NBN: variants seen among roughly 807,000 people sequenced by gnomAD.
The protein encoded by NBN is Nijmegen breakage syndrome 1 (nibrin).
In NBN, 88 loss-of-function variants were observed where a neutral mutation model predicts 90.8. That is an observed-to-expected ratio of 0.97 (90% CI 0.82 to 1.16). NBN has a LOEUF of 1.16. Among genes scored for constraint, NBN ranks in the 50% most tolerant of loss-of-function variants. NBN has a pLI of 0.00. For missense variants in NBN, 894 were observed against 869.6 expected, an observed-to-expected ratio of 1.03 and a Z score of -0.35; for synonymous variants, 328 against 295.1, an observed-to-expected ratio of 1.11 and a Z score of -1.14.
chr8:89,971,156 G>C lies in NBN; in HGVS notation c.702+17C>G. ...GTAATGTATTCTTTAGGAAAATTTA[G>C]CTTATAACATAATTACCTGTTTGGC... is the stretch of plus-strand genomic sequence containing the variant. On this transcript the variant is annotated intron_variant, in intron 6 of 15. Coordinates refer to ENST00000265433, the MANE Select transcript of NBN (RefSeq NM_002485.5). The C allele has an allele frequency of 6.2e-7, 1 of 1,606,480 alleles. No homozygotes were observed. Among genetic ancestry groups the C allele is most frequent in the Non-Finnish European group, 8.5e-7 (1 of 1,174,424 alleles).
chr8:89,972,179 C>G (rs1190196083), intron 5 of NBN, among the ~76,000 whole-genome samples: 1 of 152,210 alleles, frequency 6.6e-6, no homozygotes, highest in African/African-American at 2.4e-5. Flanking sequence ...AGTCACTATC[C>G]AGCACTTTAG....
At chr8:89,983,559 C>CA (rs1812176553) in intron 1 of NBN, among the ~76,000 whole-genome samples, 1 of 152,110 alleles carries the variant, frequency 6.6e-6, no homozygotes, top group Non-Finnish European at 1.5e-5. Context: ...ACCAATGCAA[C>CA]AAAGTCCAGA....
chr8:89,981,633 C>A, intron 2 of NBN, 110 bp from the exon 3 acceptor site: 2 of 1,080,192 alleles, frequency 1.9e-6, no homozygotes, highest in Non-Finnish European at 2.7e-6. Flanking sequence ...CCTCCCAACA[C>A]GGCAGACAAC....
In NBN at chr8:89,935,075, CATTATATTGA is replaced by C. The variant is rs1197506122; in HGVS notation, c.*497_*506del. ...AATGGAAAAGAAAAAATATTAAAAA[CATTATATTGA>C]TATTCCTATAATTTTTAATCTACTA... On this transcript the variant is annotated 3_prime_UTR_variant, in exon 16 of 16. Coordinates refer to ENST00000265433, the MANE Select transcript of NBN (RefSeq NM_002485.5). The C allele has an allele frequency of 4.3e-6, 1 of 233,836 alleles. No individual in the cohort carries two copies. The highest frequency in any genetic ancestry group is 2.2e-5 in the African/African-American group (1 of 45,298). The allele number at this position is 233,836 out of a possible 1,614,324, so 14.5% of individuals were successfully genotyped here. A position where few individuals can be genotyped will look rare whatever the true frequency, so the allele number is the denominator to read the frequency against.
intron 14 of NBN, chr8:89,937,416 G>A (rs1809743706): frequency 2.4e-5 from 7 of 294,672 alleles, no homozygotes; most frequent in Non-Finnish European, 4.6e-5. Flanking sequence ...GACCACTGAT[G>A]AGACTAAGAG....
chr8:89,955,482 C>T lies in NBN; in HGVS notation c.1198G>A (p.Ala400Thr), dbSNP rs551602980. Residue 400 changes from alanine (A) to threonine (T), a missense_variant, in exon 10 of 16, where the codon GCA becomes ACA. Coordinates refer to ENST00000265433, the MANE Select transcript of NBN (RefSeq NM_002485.5). ...EQKFRMLSQD[A>T]PTVKESCKTS... ...TTGCAGGACTCCTTTACAGTGGGTG[C>T]ATCTTGTGAAAGCATTCTGAATTTT... The T allele has an allele frequency of 1.7e-5, 27 of 1,613,390 alleles. No individual in the cohort carries two copies. In the African/African-American group the frequency reaches 3.2e-4, roughly 19 times the overall value.
chr8:89,963,868 C>T (rs1474228240), intron 8 of NBN, among the ~76,000 whole-genome samples: 1 of 152,200 alleles, frequency 6.6e-6, no homozygotes, highest in Non-Finnish European at 1.5e-5. Flanking sequence ...ATCCAGATTT[C>T]CACAATAGCA....
At position 89,955,625 on chromosome 8, in the gene NBN, C is replaced by T. The variant is rs553969523; in HGVS notation, c.1125-70G>A. 1.1e-5 allele frequency: 17 copies of T among 1,490,338 alleles called. No individual in the cohort carries two copies. The Middle Eastern group carries it at 1.3e-3, about 111-fold the overall frequency. 92.3% of individuals were successfully genotyped at this position (1,490,338 alleles called of 1,614,324 possible). A position where few individuals can be genotyped will look rare whatever the true frequency, so the allele number is the denominator to read the frequency against. On this transcript the variant is annotated intron_variant, in intron 9 of 15. Coordinates refer to ENST00000265433, the MANE Select transcript of NBN (RefSeq NM_002485.5). ...GCAACTTTAATAGAGAAACAAAGATCGTTAAATAGTTCTAACGTAATATAA... is the reference window on the plus strand; with the variant it reads ...GCAACTTTAATAGAGAAACAAAGATTGTTAAATAGTTCTAACGTAATATAA...
intron 5 of NBN, among the ~76,000 whole-genome samples, chr8:89,974,086 C>T (rs538574907): frequency 1.2e-4 from 18 of 152,058 alleles, no homozygotes; most frequent in African/African-American, 3.9e-4. Context: ...CACTTCTGTA[C>T]GAAGATTTTG....
At chr8:89,973,902 T>TC (rs149388770) in intron 5 of NBN, among the ~76,000 whole-genome samples, 46,858 of 152,026 alleles carry the variant, frequency 0.31, 7,473 homozygotes, top group East Asian at 0.45. Flanking sequence ...TACAGAAACT[T>TC]TAAGAGCTAC....
In NBN at chr8:89,937,091, T is replaced by C; in HGVS notation, c.2185-16A>G. On this transcript the variant is annotated splice_polypyrimidine_tract_variant and intron_variant, in intron 14 of 15. Transcript: ENST00000265433. ...GATTTTGTACCTGTCAAAATTAACA[T>C]AATTTCAAACATTTGCTCAGTGGTG... is the stretch of plus-strand genomic sequence containing the variant. The C allele has an allele frequency of 1.2e-6, 2 of 1,609,800 alleles. No individual in the cohort carries two copies. Among genetic ancestry groups the C allele is most frequent in the Non-Finnish European group, 8.5e-7 (1 of 1,177,290 alleles).
rs748755212 is a variant in NBN at position 89,946,311 on chromosome 8, G to A, written c.1915-16C>T. 1 of 1,561,720 alleles carries A rather than the reference G, an allele frequency of 6.4e-7. No individual in the cohort carries two copies. The highest frequency in any genetic ancestry group is 8.8e-7 in the Non-Finnish European group (1 of 1,133,234). Reference sequence around the variant, plus strand: ...TGTCATTGTTCTTAAATGGGGTTAAGATGGATAGGTAAGAAAGAGAAGAAA... The same window carrying A: ...TGTCATTGTTCTTAAATGGGGTTAAAATGGATAGGTAAGAAAGAGAAGAAA... On this transcript the variant is annotated splice_polypyrimidine_tract_variant and intron_variant, in intron 12 of 15. Transcript: ENST00000265433.
chr8:89,957,393 T>A (rs1810773039), intron 9 of NBN, among the ~76,000 whole-genome samples: 1 of 152,266 alleles, frequency 6.6e-6, no homozygotes, highest in Non-Finnish European at 1.5e-5. Context: ...TTTGCACAGC[T>A]ATACAATGTT....
At chr8:89,970,673 A>G in intron 6 of NBN, 116 bp from the exon 7 acceptor site, 1 of 1,023,478 alleles carries the variant, frequency 9.8e-7, no homozygotes, top group Non-Finnish European at 1.5e-6. Context: ...CTACTTCTTG[A>G]GTAGGTCATT....
chr8:89,954,477 C>T (rs1810603054), intron 10 of NBN, among the ~76,000 whole-genome samples: 1 of 151,562 alleles, frequency 6.6e-6, no homozygotes, highest in African/African-American at 2.4e-5. Flanking sequence ...ATCAATAACA[C>T]TGATTTCAGG....
chr8:89,935,828 A>G (rs182514566), intron 15 of NBN, among the ~76,000 whole-genome samples: 3 of 152,212 alleles, frequency 2.0e-5, no homozygotes, highest in Admixed American at 6.5e-5. Context: ...AAAAAAATCA[A>G]CAATAACAAA....
rs786203573 is a variant in NBN at position 89,981,435 on chromosome 8, A to G, written c.260T>C (p.Phe87Ser). 6.2e-7 allele frequency: 1 copy of G among 1,614,082 alleles called. No homozygotes were observed. ...ATCCCCCGACTTCAAAGTTCGGGAA[A>G]AGCCATTCTGCATTTTTTCCTCATT... ...FVNEEKMQNG[F>S]SRTLKSGDGI... Residue 87 changes from phenylalanine to serine, a missense_variant, in exon 3 of 16, where the codon TTT becomes TCT. Physicochemically the swap from Phe to Ser is radical, Grantham distance 155. Coordinates refer to ENST00000265433, the MANE Select transcript of NBN (RefSeq NM_002485.5).
Position 89,978,311 on chromosome 8 carries a change from G to T in NBN, c.493C>A (p.Leu165Ile), listed in dbSNP as rs776810966. 1.4e-5 allele frequency: 23 copies of T among 1,586,582 alleles called. No homozygotes were observed. The highest frequency in any genetic ancestry group is 1.9e-5 in the Non-Finnish European group (22 of 1,155,370). The change falls in exon 5 of 16, where the codon CTC (leucine) becomes ATC (isoleucine). Residue 165 changes from leucine (L) to isoleucine (I), a missense_variant. Coordinates refer to ENST00000265433, the MANE Select transcript of NBN (RefSeq NM_002485.5). The part of the protein sequence containing the change: ...VKVTIKTICA[L>I]ICGRPIVKPE... The stretch of plus-strand genomic sequence containing the variant: ...TTTACAATTGGACGTCCACAAATGA[G>T]TGCACATATTGTCTACAATGAAGAA...
At chr8:89,951,400 G>T (rs1185095866) in intron 11 of NBN, among the ~76,000 whole-genome samples, 1 of 147,842 alleles carries the variant, frequency 6.8e-6, no homozygotes, top group Non-Finnish European at 1.5e-5. Context: ...GAGGAGAAGA[G>T]AGCACAGCAA....
Sources: allele counts gnomAD v4.1 joint callset (sites outside exome capture counted in the v4.1 genomes callset), GRCh38; gene constraint gnomAD v4.1.1; transcripts MANE v1.5; gene names NCBI Gene and HGNC (gene_info 2026-07-23, HGNC 2026-07-21).